ASH1L: variants seen among roughly 807,000 people sequenced by gnomAD.
ASH1L encodes the protein ASH1 like histone lysine methyltransferase.
Under a neutral mutation model 269.0 loss-of-function variants are expected in ASH1L, and 23 were observed. The ratio of observed to expected loss-of-function variants is 0.09; its 90% CI spans 0.06 to 0.12. ASH1L has a LOEUF of 0.12. Among genes scored for constraint, ASH1L ranks in the 10% least tolerant of loss-of-function variants. The pLI, the probability that ASH1L is intolerant of heterozygous loss-of-function variation, is 1.00. For missense variants in ASH1L, 2,912 were observed against 3,567.8 expected (o/e 0.82, Z 4.68); for synonymous variants, 1,187 against 1,253.5 (o/e 0.95, Z 1.12).
intron 6 of ASH1L, among the ~76,000 whole-genome samples, chr1:155,400,664 T>C (rs1658755352): frequency 6.6e-6 from 1 of 152,238 alleles, no homozygotes; most frequent in South Asian, 2.1e-4. Flanking sequence ...GTTAAACTTT[T>C]CTGAAAATAC....
intron 1 of ASH1L, among the ~76,000 whole-genome samples, chr1:155,542,773 A>G (rs1214748313): frequency 6.7e-6 from 1 of 148,342 alleles, no homozygotes; most frequent in African/African-American, 2.5e-5. Flanking sequence ...TCCACCTCCC[A>G]GGTTCAAGTG....
At chr1:155,395,830 T>G (rs541014341) in intron 6 of ASH1L, among the ~76,000 whole-genome samples, 2 of 152,250 alleles carry the variant, frequency 1.3e-5, no homozygotes, top group South Asian at 4.1e-4. Context: ...AGACCCTGTC[T>G]CTACTTTTAA....
chr1:155,447,004 A>C (rs1663091258), intron 4 of ASH1L, among the ~76,000 whole-genome samples: 2 of 152,242 alleles, frequency 1.3e-5, no homozygotes. Context: ...TCATTTATTA[A>C]GTTCCAGCAA....
At chr1:155,536,311 C>T (rs1670053369) in intron 1 of ASH1L, among the ~76,000 whole-genome samples, 1 of 152,082 alleles carries the variant, frequency 6.6e-6, no homozygotes, top group South Asian at 2.1e-4. Flanking sequence ...GCCTTGCAGA[C>T]TTATAAAGAC....
chr1:155,496,319 A>T (rs1449233506), intron 2 of ASH1L, among the ~76,000 whole-genome samples: 8 of 152,212 alleles, frequency 5.3e-5, no homozygotes, highest in Non-Finnish European at 8.8e-5. Context: ...CTCTTATGGG[A>T]CCACCAAAAT....
intron 2 of ASH1L, among the ~76,000 whole-genome samples, chr1:155,489,874 T>C (rs1001484594): frequency 4.6e-5 from 7 of 152,110 alleles, no homozygotes; most frequent in African/African-American, 1.7e-4. Context: ...TTTCTTTCCA[T>C]ACTTGTTCAA....
At chr1:155,430,620 T>C (rs920524308) in intron 5 of ASH1L, among the ~76,000 whole-genome samples, 3 of 152,172 alleles carry the variant, frequency 2.0e-5, no homozygotes, top group Admixed American at 1.3e-4. Flanking sequence ...TCATTCCTAT[T>C]GATCGGCTTT....
At chr1:155,400,891 G>A (rs1658779686) in intron 6 of ASH1L, among the ~76,000 whole-genome samples, 1 of 152,208 alleles carries the variant, frequency 6.6e-6, no homozygotes, top group African/African-American at 2.4e-5. Context: ...GTGATGTGGT[G>A]GCTCACGCCT....
At chr1:155,465,096 T>C (rs919034907) in intron 3 of ASH1L, among the ~76,000 whole-genome samples, 1 of 152,084 alleles carries the variant, frequency 6.6e-6, no homozygotes, top group African/African-American at 2.4e-5. Flanking sequence ...CTTTTACAGA[T>C]GCCTGGGTGT....
intron 5 of ASH1L, among the ~76,000 whole-genome samples, chr1:155,420,625 T>C (rs1571164727): frequency 6.9e-6 from 1 of 144,610 alleles, no homozygotes; most frequent in Admixed American, 6.9e-5. Flanking sequence ...CCGAAGTAGG[T>C]GGATCACTTG....
intron 1 of ASH1L, among the ~76,000 whole-genome samples, chr1:155,556,902 G>A (rs554173222): frequency 1.1e-4 from 16 of 152,266 alleles, no homozygotes; most frequent in Non-Finnish European, 1.8e-4. Flanking sequence ...TTAGCCAGGC[G>A]TGGTGGCATG....
At chr1:155,453,193 A>C (rs1332825081) in intron 4 of ASH1L, among the ~76,000 whole-genome samples, 1 of 152,036 alleles carries the variant, frequency 6.6e-6, no homozygotes, top group Non-Finnish European at 1.5e-5. Flanking sequence ...TGTCCCTACT[A>C]AAAATACAAA....
At chr1:155,345,232 G>C (rs1351620059) in intron 21 of ASH1L, among the ~76,000 whole-genome samples, 1 of 129,524 alleles carries the variant, frequency 7.7e-6, no homozygotes. Flanking sequence ...CCGGGCTAGA[G>C]TGCAGTGGCG....
chr1:155,415,804 C>T lies in ASH1L; in HGVS notation c.5948G>A (p.Arg1983His), dbSNP rs766422974. 1.3e-5 allele frequency: 21 copies of T among 1,613,696 alleles called. No individual in the cohort carries two copies. Among genetic ancestry groups the T allele is most frequent in the East Asian group, 4.5e-5 (2 of 44,876 alleles). ...SLIPREKKPPRPPKKKYQKAG... is the reference protein window; with the variant it reads ...SLIPREKKPPHPPKKKYQKAG... ...TTTCTGATACTTCTTCTTTGGGGGA[C>T]GTGGGGGCTTCTTTTCCCTTGGGAT... Residue 1983 changes from arginine to histidine, a missense_variant, in exon 6 of 28, where the codon CGT becomes CAT. Coordinates refer to ENST00000392403, the MANE Select transcript of ASH1L (RefSeq NM_018489.3).
intron 3 of ASH1L, among the ~76,000 whole-genome samples, chr1:155,475,333 C>T (rs1665458034): frequency 6.6e-6 from 1 of 152,088 alleles, no homozygotes; most frequent in Admixed American, 6.5e-5. Context: ...GATGGGGTTT[C>T]ACCGTGTTGG....
Position 155,479,055 on chromosome 1 carries a change from C to T in ASH1L, c.3815G>A (p.Arg1272Gln), listed in dbSNP as rs1395134849. Residue 1272 changes from arginine to glutamine, a missense_variant, in exon 3 of 28, where the codon CGG becomes CAG. By Grantham distance (43) the Arg-to-Gln change is conservative (BLOSUM62 1). Around this residue, in one of 13 missense-constraint regions of ASH1L, gnomAD observed 789 missense variants for 897.6 expected, o/e 0.88. Coordinates refer to ENST00000392403, the MANE Select transcript of ASH1L (RefSeq NM_018489.3). ...YDKMKRQKRK[R>Q]KKKYPQLRNR... is the part of the protein sequence containing the mutation. ...TCGAAGCTGGGGATATTTCTTTTTC[C>T]GTTTTCGTTTCTGCCTTTTCATCTT... 9 of 1,613,704 alleles carry T rather than the reference C, an allele frequency of 5.6e-6. No homozygotes were observed. Among genetic ancestry groups the T allele is most frequent in the African/African-American group, 2.7e-5 (2 of 74,810 alleles).
At chr1:155,473,624 G>C (rs537942297) in intron 3 of ASH1L, among the ~76,000 whole-genome samples, 1 of 151,668 alleles carries the variant, frequency 6.6e-6, no homozygotes, top group Admixed American at 6.6e-5. Flanking sequence ...AGCCTCCTGA[G>C]TAGCCAGGAC....
At chr1:155,353,532 A>G (rs1441657921) in intron 16 of ASH1L, among the ~76,000 whole-genome samples, 1 of 152,210 alleles carries the variant, frequency 6.6e-6, no homozygotes, top group Non-Finnish European at 1.5e-5. Context: ...GATCTTTTGA[A>G]CACTCTGTTT....
In ASH1L at chr1:155,482,159, C is replaced by T. The variant is rs757122382; in HGVS notation, c.711G>A (p.Pro237=). ...CTGTAGTGCCAGTTCCTAACTTCTT[C>T]GGTTTTGTCTTGGAAGACTTGGAAG... ...CPPSKSSKTK[P]KKLGTGTTAG... is the part of the protein sequence containing the mutation. Residue 237 remains proline, a synonymous_variant, in exon 3 of 28, where the codon CCG becomes CCA. Coordinates refer to ENST00000392403, the MANE Select transcript of ASH1L (RefSeq NM_018489.3). 1 of 1,614,180 alleles carries T rather than the reference C, an allele frequency of 6.2e-7. No homozygotes were observed. The highest frequency in any genetic ancestry group is 1.7e-5 in the Admixed American group (1 of 60,018).
Sources: gnomAD v4.1 joint callset for allele counts (sites outside exome capture counted in the v4.1 genomes callset) on GRCh38, gnomAD v4.1.1 for gene constraint, gnomAD v4.1.1 regional missense constraint, MANE v1.5 for transcripts, NCBI Gene and HGNC (gene_info 2026-07-23, HGNC 2026-07-21) for gene names.